The following CCDC171 variants were observed in gnomAD, a reference collection of about 807,000 sequenced individuals.
The protein encoded by CCDC171 is coiled-coil domain-containing protein 171.
Under a neutral mutation model 168.2 loss-of-function variants are expected in CCDC171, and 177 were observed. That is an observed-to-expected ratio of 1.05 (90% CI 0.93 to 1.19). The LOEUF (loss-of-function observed/expected upper bound fraction) is 1.19. Ranked by LOEUF, CCDC171 falls within the 50% of genes most tolerant of loss-of-function variation. CCDC171 has a pLI of 0.00. For missense variants in CCDC171, 1,991 were observed against 1,539.0 expected, an observed-to-expected ratio of 1.29 and a Z score of -4.91; for synonymous variants, 687 against 540.8, an observed-to-expected ratio of 1.27 and a Z score of -3.75.
At chr9:16,053,668 A>G (rs894487589) in intron 1 of CCDC171, among the ~76,000 whole-genome samples, 2 of 152,174 alleles carry the variant, frequency 1.3e-5, no homozygotes, top group African/African-American at 4.8e-5. Context: ...AGCAGATGCT[A>G]TTTGCCACGA....
At chr9:15,940,089 A>G (rs1827547734) in intron 25 of CCDC171, among the ~76,000 whole-genome samples, 1 of 151,918 alleles carries the variant, frequency 6.6e-6, no homozygotes, top group African/African-American at 2.4e-5. Context: ...TTGATTATTG[A>G]TGCCATACAA....
chr9:16,092,506 C>A, the CCDC171 span, among the ~76,000 whole-genome samples: 1 of 152,106 alleles, frequency 6.6e-6, no homozygotes, highest in Non-Finnish European at 1.5e-5. Flanking sequence ...TCCCACTGCT[C>A]CCCACCCCGC....
intron 2 of CCDC171, among the ~76,000 whole-genome samples, chr9:15,564,559 G>A (rs940255743): frequency 5.9e-5 from 9 of 151,958 alleles, no homozygotes; most frequent in Non-Finnish European, 1.3e-4. Flanking sequence ...TTGCTGTTTC[G>A]CTTCCTTACT....
At chr9:15,932,766 A>G (rs1038882976) in intron 25 of CCDC171, among the ~76,000 whole-genome samples, 1 of 152,044 alleles carries the variant, frequency 6.6e-6, no homozygotes, top group East Asian at 1.9e-4. Context: ...TATTGTTTTG[A>G]GGTACATACC....
intron 3 of CCDC171, among the ~76,000 whole-genome samples, chr9:15,993,470 A>G (rs1832268856): frequency 6.6e-6 from 1 of 152,230 alleles, no homozygotes; most frequent in African/African-American, 2.4e-5. Context: ...CTTAAATGGT[A>G]GGCCTAAACC....
At chr9:16,018,096 G>A (rs11794659) in intron 3 of CCDC171, among the ~76,000 whole-genome samples, 2,860 of 152,270 alleles carry the variant, frequency 0.019, 36 homozygotes, top group Non-Finnish European at 0.028. Flanking sequence ...CTTCTACAGT[G>A]CAGGAAGACC....
the CCDC171 span, among the ~76,000 whole-genome samples, chr9:16,077,796 T>A: frequency 8.5e-5 from 13 of 152,114 alleles, no homozygotes; most frequent in African/African-American, 3.1e-4. Flanking sequence ...CTGAACAGGG[T>A]TGCCCTTGGA....
chr9:15,828,698 G>T (rs2060114521), intron 21 of CCDC171, among the ~76,000 whole-genome samples: 1 of 152,128 alleles, frequency 6.6e-6, no homozygotes, highest in South Asian at 2.1e-4. Flanking sequence ...GGTTGTCAAA[G>T]AATGAAAACT....
At chr9:15,877,275 A>G (rs1158636944) in intron 24 of CCDC171, among the ~76,000 whole-genome samples, 1 of 152,152 alleles carries the variant, frequency 6.6e-6, no homozygotes, top group African/African-American at 2.4e-5. Context: ...AGTGTAGTAC[A>G]GTGCCTAGCC....
chr9:16,096,696 G>T, the CCDC171 span, among the ~76,000 whole-genome samples: 2 of 152,170 alleles, frequency 1.3e-5, no homozygotes, highest in African/African-American at 4.8e-5. Context: ...GTTTCTCCAT[G>T]ACACACTTCT....
chr9:15,839,339 T>G (rs1295549256), intron 21 of CCDC171, among the ~76,000 whole-genome samples: 6 of 152,154 alleles, frequency 3.9e-5, no homozygotes, highest in African/African-American at 1.4e-4. Context: ...TACATTTCCA[T>G]GGTGATTTCC....
intron 3 of CCDC171, among the ~76,000 whole-genome samples, chr9:16,020,160 T>C (rs1396752873): frequency 3.3e-5 from 5 of 152,200 alleles, no homozygotes; most frequent in Non-Finnish European, 7.3e-5. Context: ...GAAAATTCCA[T>C]ACATAACACC....
intron 10 of CCDC171, among the ~76,000 whole-genome samples, chr9:15,687,982 G>A (rs1444451603): frequency 2.6e-5 from 4 of 152,042 alleles, no homozygotes; most frequent in African/African-American, 9.7e-5. Context: ...AGCTGGGCAA[G>A]GTGGCGCATG....
At chr9:15,670,098 G>A (rs1047584248) in intron 9 of CCDC171, among the ~76,000 whole-genome samples, 2 of 151,958 alleles carry the variant, frequency 1.3e-5, no homozygotes, top group Non-Finnish European at 2.9e-5. Context: ...TCAGAGACAA[G>A]GCATCTCCTT....
chr9:15,709,116 G>A (rs1466956695), intron 11 of CCDC171, among the ~76,000 whole-genome samples: 3 of 152,042 alleles, frequency 2.0e-5, no homozygotes, highest in Non-Finnish European at 4.4e-5. Flanking sequence ...AAGCTATTTG[G>A]CATCCACAGT....
chr9:15,716,049 C>T (rs1002055343), intron 11 of CCDC171, among the ~76,000 whole-genome samples: 1 of 152,254 alleles, frequency 6.6e-6, no homozygotes, highest in African/African-American at 2.4e-5. Context: ...TTTGGGCACC[C>T]AGTGACCCAG....
At chr9:15,705,319 C>G (rs2052130858) in intron 11 of CCDC171, among the ~76,000 whole-genome samples, 1 of 152,098 alleles carries the variant, frequency 6.6e-6, no homozygotes, top group Non-Finnish European at 1.5e-5. Flanking sequence ...GTGTGTCATT[C>G]CTTTGCTCTA....
chr9:15,590,777 CTTT>C (rs2041929024), intron 4 of CCDC171, among the ~76,000 whole-genome samples: 1 of 104,218 alleles, frequency 9.6e-6, no homozygotes, highest in African/African-American at 3.6e-5. Flanking sequence ...CTTTCTCTTT[CTTT>C]CTTTCTTTCT....
intron 11 of CCDC171, among the ~76,000 whole-genome samples, chr9:15,714,513 T>C (rs1023877092): frequency 6.6e-6 from 1 of 152,310 alleles, no homozygotes; most frequent in Non-Finnish European, 1.5e-5. Flanking sequence ...GAAACCACAG[T>C]AGCACATTTT....
Sources: gnomAD v4.1 joint callset for allele counts (sites outside exome capture counted in the v4.1 genomes callset) on GRCh38, gnomAD v4.1.1 for gene constraint, MANE v1.5 for transcripts, NCBI Gene and HGNC (gene_info 2026-07-23, HGNC 2026-07-21) for gene names.